NXPE2: variants seen among roughly 807,000 people sequenced by gnomAD.
NXPE2 encodes NXPE family member 2.
Under a neutral mutation model 34.4 loss-of-function variants are expected in NXPE2, and 34 were observed. The ratio of observed to expected loss-of-function variants is 0.99; its 90% CI spans 0.75 to 1.31. The LOEUF is 1.31. Among genes scored for constraint, NXPE2 ranks in the 40% most tolerant of loss-of-function variants. The pLI is 0.00. For synonymous variants in NXPE2, 235 were observed against 231.3 expected, an observed-to-expected ratio of 1.02 and a Z score of -0.15; for missense variants, 649 against 672.5, an observed-to-expected ratio of 0.97 and a Z score of 0.39.
the NXPE2 span, among the ~76,000 whole-genome samples, chr11:114,512,446 T>C: frequency 6.6e-6 from 1 of 152,140 alleles, no homozygotes; most frequent in East Asian, 1.9e-4. Flanking sequence ...GTGTCAAACT[T>C]GGCAGCCACG....
the NXPE2 span, among the ~76,000 whole-genome samples, chr11:114,539,618 T>G: frequency 6.6e-6 from 1 of 152,332 alleles, no homozygotes; most frequent in African/African-American, 2.4e-5. Context: ...TCTGTATTTC[T>G]AATTAAATTC....
At chr11:114,686,894 G>C (rs1951057872) in intron 2 of NXPE2, among the ~76,000 whole-genome samples, 1 of 151,956 alleles carries the variant, frequency 6.6e-6, no homozygotes, top group Non-Finnish European at 1.5e-5. Context: ...TCTTATGTTT[G>C]TTGGCCATGT....
At chr11:114,585,184 C>T in the NXPE2 span, among the ~76,000 whole-genome samples, 2 of 151,782 alleles carry the variant, frequency 1.3e-5, no homozygotes, top group African/African-American at 4.8e-5. Flanking sequence ...CATCTGTCTT[C>T]CCCCAGTTCT....
the NXPE2 span, among the ~76,000 whole-genome samples, chr11:114,612,021 C>A: frequency 6.6e-6 from 1 of 151,926 alleles, no homozygotes; most frequent in African/African-American, 2.4e-5. Context: ...TCATGGGTAA[C>A]CACTGTTACC....
At chr11:114,800,526 G>C in the NXPE2 span, among the ~76,000 whole-genome samples, 2 of 152,194 alleles carry the variant, frequency 1.3e-5, no homozygotes, top group South Asian at 2.1e-4. Flanking sequence ...TGTTAGCAGT[G>C]AAGTTTCTAT....
At chr11:114,806,007 A>C in the NXPE2 span, among the ~76,000 whole-genome samples, 5 of 152,146 alleles carry the variant, frequency 3.3e-5, no homozygotes, top group Admixed American at 3.3e-4. Flanking sequence ...CTTTCAGAGG[A>C]ACGATCAGGC....
At chr11:114,553,749 G>A in the NXPE2 span, 1 of 985,234 alleles carries the variant, frequency 1.0e-6, no homozygotes, top group Admixed American at 6.1e-5. Flanking sequence ...GCCTCCATTT[G>A]GAAATCCTCA....
chr11:114,571,210 G>A, the NXPE2 span: 1 of 1,614,000 alleles, frequency 6.2e-7, no homozygotes, highest in Non-Finnish European at 8.5e-7. Flanking sequence ...ATGGCTTTGT[G>A]GACATTGAGG....
the NXPE2 span, among the ~76,000 whole-genome samples, chr11:114,557,434 C>G: frequency 6.6e-6 from 1 of 151,654 alleles, no homozygotes; most frequent in African/African-American, 2.4e-5. Context: ...TTGCTATAGT[C>G]AGGCATTTCA....
rs1409368715 is a variant in NXPE2, at chr11:114,679,711, A to G, written c.81A>G (p.Thr27=). The G allele has an allele frequency of 6.4e-7, 1 of 1,550,488 alleles. No homozygotes were observed. The highest frequency in any genetic ancestry group is 1.2e-5 in the South Asian group (1 of 83,912). ...CTCGAAAATTACTGCTGATGTTGAC[A>G]TTTATCTTAATTTTCTGGATCATTT... The part of the protein sequence containing the change: ...AIARKLLLML[T]FILIFWIIYL... Residue 27 remains threonine, a synonymous_variant, in exon 2 of 6, where the codon ACA becomes ACG. Transcript: ENST00000389586.
the NXPE2 span, among the ~76,000 whole-genome samples, chr11:114,629,042 T>C: frequency 1.7e-4 from 26 of 151,188 alleles, no homozygotes; most frequent in East Asian, 3.9e-4. Flanking sequence ...AGCTTACCAA[T>C]GAAAAAGAGT....
chr11:114,535,327 A>G, the NXPE2 span, among the ~76,000 whole-genome samples: 1 of 152,248 alleles, frequency 6.6e-6, no homozygotes, highest in Non-Finnish European at 1.5e-5. Context: ...CTGCAAAAAC[A>G]AGCCAAATTG....
chr11:114,663,708 AT>A, the NXPE2 span, among the ~76,000 whole-genome samples: 2 of 150,896 alleles, frequency 1.3e-5, no homozygotes, highest in African/African-American at 4.9e-5. Flanking sequence ...CTATCTATCT[AT>A]CTATCTGATC....
the NXPE2 span, among the ~76,000 whole-genome samples, chr11:114,621,041 A>G: frequency 6.6e-6 from 1 of 152,178 alleles, no homozygotes; most frequent in Admixed American, 6.5e-5. Flanking sequence ...GCAGTGCACA[A>G]TAAGTGTTGC....
At chr11:114,641,454 C>T in the NXPE2 span, among the ~76,000 whole-genome samples, 2 of 152,008 alleles carry the variant, frequency 1.3e-5, no homozygotes, top group South Asian at 4.2e-4. Context: ...AAATATTTGA[C>T]AATGAATAAC....
chr11:114,784,176 T>C, the NXPE2 span, among the ~76,000 whole-genome samples: 1 of 152,162 alleles, frequency 6.6e-6, no homozygotes, highest in Non-Finnish European at 1.5e-5. Context: ...TTCTCTCAGC[T>C]CCACTGTCCC....
the NXPE2 span, among the ~76,000 whole-genome samples, chr11:114,751,110 T>C: frequency 6.6e-6 from 1 of 152,106 alleles, no homozygotes; most frequent in Non-Finnish European, 1.5e-5. Context: ...CAGCAGGGGA[T>C]AGAGACCGAA....
chr11:114,805,739 G>A, the NXPE2 span, among the ~76,000 whole-genome samples: 1 of 152,206 alleles, frequency 6.6e-6, no homozygotes, highest in East Asian at 1.9e-4. Flanking sequence ...AAGGAGGCCT[G>A]CCTGCCTCTG....
chr11:114,809,915 G>A, the NXPE2 span, among the ~76,000 whole-genome samples: 2 of 143,000 alleles, frequency 1.4e-5, no homozygotes, highest in African/African-American at 5.2e-5. Flanking sequence ...AAAGCTGGAG[G>A]CATCACACTA....
Sources: allele counts gnomAD v4.1 joint callset (sites outside exome capture counted in the v4.1 genomes callset), GRCh38; gene constraint gnomAD v4.1.1; transcripts MANE v1.5; gene names NCBI Gene and HGNC (gene_info 2026-07-23, HGNC 2026-07-21).